SORCS2: variants seen among roughly 807,000 people sequenced by gnomAD.
SORCS2 encodes sortilin related VPS10 domain containing receptor 2, also known as VPS10 domain-containing receptor SorCS2.
Under a neutral mutation model 141.6 loss-of-function variants are expected in SORCS2, and 100 were observed. That is an observed-to-expected ratio of 0.71 (90% CI 0.60 to 0.83). SORCS2 has a LOEUF of 0.83. Among genes scored for constraint, SORCS2 ranks in the 40% least tolerant of loss-of-function variants. SORCS2 has a pLI of 0.00. For synonymous variants in SORCS2, 789 were observed against 676.9 expected (o/e 1.17, Z -2.57); for missense variants, 1,646 against 1,560.2 (o/e 1.05, Z -0.93).
chr4:7,264,680 C>T (rs1714597523), intron 1 of SORCS2, among the ~76,000 whole-genome samples: 1 of 152,204 alleles, frequency 6.6e-6, no homozygotes, highest in Non-Finnish European at 1.5e-5. Flanking sequence ...GGCCCTGGGG[C>T]ATTGGGTGCT....
chr4:7,541,351 AG>A (rs915709971), intron 3 of SORCS2, among the ~76,000 whole-genome samples: 1 of 152,222 alleles, frequency 6.6e-6, no homozygotes, highest in Non-Finnish European at 1.5e-5. Context: ...CATCATGGGA[AG>A]CCTTGCTAAC....
intron 1 of SORCS2, among the ~76,000 whole-genome samples, chr4:7,281,371 G>A (rs1715866933): frequency 1.3e-5 from 2 of 152,122 alleles, no homozygotes; most frequent in African/African-American, 4.8e-5. Flanking sequence ...TTCATTCGGG[G>A]TGTCCCCTCC....
chr4:7,655,202 TACACACAC>T (rs144046004), intron 5 of SORCS2, among the ~76,000 whole-genome samples: 1 of 148,876 alleles, frequency 6.7e-6, no homozygotes, highest in Non-Finnish European at 1.5e-5. Context: ...CTTGTGCGTG[TACACACAC>T]ACACACACAC....
At chr4:7,592,431 C>A (rs1372303877) in intron 3 of SORCS2, among the ~76,000 whole-genome samples, 1 of 152,276 alleles carries the variant, frequency 6.6e-6, no homozygotes, top group East Asian at 1.9e-4. Flanking sequence ...ATGACCAGTG[C>A]TCACCAGCAC....
intron 3 of SORCS2, among the ~76,000 whole-genome samples, chr4:7,626,068 G>C (rs1342352701): frequency 6.6e-6 from 1 of 152,094 alleles, no homozygotes; most frequent in Admixed American, 6.5e-5. Flanking sequence ...GATGGCTTAA[G>C]TCCAGGAGGC....
intron 3 of SORCS2, among the ~76,000 whole-genome samples, chr4:7,548,355 G>T (rs1560377390): frequency 6.6e-6 from 1 of 152,192 alleles, no homozygotes; most frequent in South Asian, 2.1e-4. Flanking sequence ...CAAGCCTGAG[G>T]TCTGCCATCC....
intron 2 of SORCS2, among the ~76,000 whole-genome samples, chr4:7,518,871 G>A (rs1733152367): frequency 6.6e-6 from 1 of 152,098 alleles, no homozygotes; most frequent in Non-Finnish European, 1.5e-5. Flanking sequence ...GCTGTGTCCG[G>A]ATCATCGGAC....
intron 1 of SORCS2, among the ~76,000 whole-genome samples, chr4:7,283,861 T>G (rs1459891592): frequency 6.6e-6 from 1 of 152,062 alleles, no homozygotes; most frequent in Non-Finnish European, 1.5e-5. Flanking sequence ...CAGTTTTGGC[T>G]TCTCCTGCCT....
intron 2 of SORCS2, among the ~76,000 whole-genome samples, chr4:7,453,940 G>T (rs1198483111): frequency 7.8e-6 from 1 of 128,740 alleles, no homozygotes; most frequent in South Asian, 2.9e-4. Context: ...CTGTGTTGGG[G>T]TCAGGAGCTG....
intron 3 of SORCS2, among the ~76,000 whole-genome samples, chr4:7,636,327 C>T (rs1229637000): frequency 2.6e-5 from 4 of 152,350 alleles, no homozygotes; most frequent in South Asian, 2.1e-4. Flanking sequence ...CTGCGGCGCC[C>T]GGTGCCTGTG....
intron 1 of SORCS2, among the ~76,000 whole-genome samples, chr4:7,245,845 C>G (rs1229793928): frequency 6.6e-6 from 1 of 152,166 alleles, no homozygotes; most frequent in African/African-American, 2.4e-5. Context: ...GGACAACTCC[C>G]CCTTTACAGA....
chr4:7,645,564 A>G (rs1395081831), intron 4 of SORCS2, among the ~76,000 whole-genome samples: 1 of 152,114 alleles, frequency 6.6e-6, no homozygotes, highest in Non-Finnish European at 1.5e-5. Context: ...GCTCCGTAAA[A>G]GGCCACAGCT....
intron 2 of SORCS2, among the ~76,000 whole-genome samples, chr4:7,406,898 T>A (rs1577511400): frequency 6.6e-6 from 1 of 152,138 alleles, no homozygotes; most frequent in Non-Finnish European, 1.5e-5. Context: ...TTAGTTTGTT[T>A]CAAGAAATTT....
intron 1 of SORCS2, among the ~76,000 whole-genome samples, chr4:7,263,625 A>G (rs1271623864): frequency 2.6e-5 from 4 of 152,190 alleles, no homozygotes; most frequent in Non-Finnish European, 4.4e-5. Flanking sequence ...GGCTTCAGCT[A>G]AGCCCGTGGT....
chr4:7,492,868 G>T (rs1165608350), intron 2 of SORCS2, among the ~76,000 whole-genome samples: 1 of 152,230 alleles, frequency 6.6e-6, no homozygotes, highest in East Asian at 1.9e-4. Context: ...TGACCCCAGG[G>T]CAGGCCCGGA....
chr4:7,399,084 G>A (rs1724403624), intron 2 of SORCS2, among the ~76,000 whole-genome samples: 1 of 152,138 alleles, frequency 6.6e-6, no homozygotes. Flanking sequence ...TTGTTTCCTA[G>A]TAAGGAGGAA....
At chr4:7,338,964 G>C (rs2108985022) in intron 1 of SORCS2, among the ~76,000 whole-genome samples, 1 of 152,308 alleles carries the variant, frequency 6.6e-6, no homozygotes, top group East Asian at 1.9e-4. Flanking sequence ...GTAAACCCCA[G>C]GATACCCAGC....
intron 4 of SORCS2, among the ~76,000 whole-genome samples, chr4:7,645,173 G>A (rs1029952852): frequency 3.9e-5 from 6 of 152,210 alleles, no homozygotes; most frequent in East Asian, 1.9e-4. Context: ...GGTATGAGCA[G>A]TGCCCTCCTG....
At chr4:7,340,853 A>G (rs1358254785) in intron 1 of SORCS2, among the ~76,000 whole-genome samples, 1 of 152,230 alleles carries the variant, frequency 6.6e-6, no homozygotes, top group Non-Finnish European at 1.5e-5. Context: ...TTAGAGATCA[A>G]AGGTCGGCTT....
Sources: gnomAD v4.1 joint callset for allele counts (sites outside exome capture counted in the v4.1 genomes callset) on GRCh38, gnomAD v4.1.1 for gene constraint, MANE v1.5 for transcripts, NCBI Gene and HGNC (gene_info 2026-07-23, HGNC 2026-07-21) for gene names.